MEGF10: variants seen among roughly 807,000 people sequenced by gnomAD.
MEGF10 encodes multiple EGF like domains 10, also known as multiple epidermal growth factor-like domains protein 10.
In MEGF10, 86 loss-of-function variants were observed where a neutral mutation model predicts 147.5. The ratio of observed to expected loss-of-function variants is 0.58; its 90% CI spans 0.49 to 0.70. MEGF10 has a LOEUF of 0.70. Among genes scored for constraint, MEGF10 ranks in the 30% least tolerant of loss-of-function variants. The pLI is 0.00. For missense variants in MEGF10, 1,329 were observed against 1,487.3 expected, an observed-to-expected ratio of 0.89 and a Z score of 1.75; for synonymous variants, 478 against 525.5, an observed-to-expected ratio of 0.91 and a Z score of 1.24.
intron 2 of MEGF10, among the ~76,000 whole-genome samples, chr5:127,337,126 G>A (rs1761501632): frequency 6.6e-6 from 1 of 152,148 alleles, no homozygotes; most frequent in Non-Finnish European, 1.5e-5. Flanking sequence ...CCCAAGTGGG[G>A]AAGTTAAAGT....
chr5:127,433,380 G>T lies in MEGF10; in HGVS notation c.1711G>T (p.Val571Leu). Residue 571 changes from valine (V) to leucine (L), a missense_variant, in exon 14 of 25, where the codon GTG (valine) becomes TTG (leucine). Around this residue, in one of 3 missense-constraint regions of MEGF10, gnomAD observed 980 missense variants for 1,085.9 expected, o/e 0.90. Coordinates refer to ENST00000503335, the MANE Select transcript of MEGF10 (RefSeq NM_001256545.2). ...TATTTCAGGTGTCCACTGTGACAGC[G>T]TGTGTGCTGAGGGACGCTGGGGCCC... is the stretch of plus-strand genomic sequence containing the variant. The part of the protein sequence containing the change: ...PGWSGVHCDS[V>L]CAEGRWGPNC... The T allele has an allele frequency of 6.2e-7, 1 of 1,614,196 alleles. No homozygotes were observed. Among genetic ancestry groups the T allele is most frequent in the Non-Finnish European group, 8.5e-7 (1 of 1,180,020 alleles).
intron 4 of MEGF10, among the ~76,000 whole-genome samples, chr5:127,351,976 T>A (rs1279624957): frequency 6.6e-6 from 1 of 152,190 alleles, no homozygotes; most frequent in Non-Finnish European, 1.5e-5. Flanking sequence ...GCCAACTGTT[T>A]CCTAAGGAAG....
intron 4 of MEGF10, among the ~76,000 whole-genome samples, chr5:127,347,194 T>G (rs1761923580): frequency 1.3e-5 from 2 of 152,070 alleles, no homozygotes; most frequent in South Asian, 4.1e-4. Flanking sequence ...TCCAGAGGAA[T>G]GAAATAGTTG....
At chr5:127,246,048 G>A in the MEGF10 span, among the ~76,000 whole-genome samples, 5 of 152,132 alleles carry the variant, frequency 3.3e-5, no homozygotes, top group South Asian at 2.1e-4. Context: ...ACAATGTGGC[G>A]ATTCCTCAAG....
chr5:127,409,565 A>T (rs1416555377), intron 8 of MEGF10: 2 of 152,196 alleles, frequency 1.3e-5, no homozygotes, highest in Non-Finnish European at 2.9e-5. Context: ...CTCAGCTCCC[A>T]CCTCATTCGT....
At chr5:127,403,774 T>C (rs1383260823) in intron 8 of MEGF10, among the ~76,000 whole-genome samples, 4 of 152,240 alleles carry the variant, frequency 2.6e-5, no homozygotes, top group Non-Finnish European at 5.9e-5. Flanking sequence ...TTACTGGATC[T>C]CATTCTTTTT....
intron 1 of MEGF10, among the ~76,000 whole-genome samples, chr5:127,311,405 G>A (rs1234868882): frequency 6.6e-6 from 1 of 152,166 alleles, no homozygotes; most frequent in Non-Finnish European, 1.5e-5. Flanking sequence ...GTAAGTTTTA[G>A]TCTTTTCTCA....
chr5:127,313,596 A>G (rs923343335), intron 1 of MEGF10, among the ~76,000 whole-genome samples: 10 of 152,216 alleles, frequency 6.6e-5, no homozygotes, highest in African/African-American at 2.4e-4. Context: ...TTCTCGTCTG[A>G]AACAATATTT....
intron 12 of MEGF10, among the ~76,000 whole-genome samples, chr5:127,422,423 A>G: frequency 6.6e-6 from 1 of 152,178 alleles, no homozygotes; most frequent in Non-Finnish European, 1.5e-5. Flanking sequence ...CGGGAGGCTG[A>G]GAATTCCTTC....
chr5:127,414,775 A>C (rs764476743), intron 9 of MEGF10, among the ~76,000 whole-genome samples: 3 of 152,168 alleles, frequency 2.0e-5, no homozygotes, highest in Non-Finnish European at 2.9e-5. Flanking sequence ...AGGTGGCAAA[A>C]CAGATTTAAT....
chr5:127,238,827 G>T, the MEGF10 span, among the ~76,000 whole-genome samples: 5 of 149,434 alleles, frequency 3.3e-5, no homozygotes, highest in Non-Finnish European at 5.9e-5. Flanking sequence ...GTATTAAGAT[G>T]GCTCATGAGG....
At chr5:127,339,811 G>A (rs1351138171) in intron 3 of MEGF10, among the ~76,000 whole-genome samples, 1 of 152,124 alleles carries the variant, frequency 6.6e-6, no homozygotes, top group Non-Finnish European at 1.5e-5. Flanking sequence ...TATGCTCAAT[G>A]TCATTTCTTC....
At chr5:127,408,667 T>C (rs986633875) in intron 8 of MEGF10, among the ~76,000 whole-genome samples, 7 of 152,220 alleles carry the variant, frequency 4.6e-5, no homozygotes, top group Admixed American at 3.9e-4. Context: ...TTGAAGGTTT[T>C]ACCTGTTAAC....
At chr5:127,252,675 G>A in the MEGF10 span, among the ~76,000 whole-genome samples, 1 of 151,792 alleles carries the variant, frequency 6.6e-6, no homozygotes, top group African/African-American at 2.4e-5. Context: ...GGTGGGATAG[G>A]GTGAGAGAGA....
rs781179892 is a variant in MEGF10 at position 127,402,628 on chromosome 5, C to T, written c.863C>T (p.Thr288Met). ...GAATGCCAGTGCCATAATGGAGGGACGTGTGATGCTGCCACAGGCCAATGT... is the reference window on the plus strand; with the variant it reads ...GAATGCCAGTGCCATAATGGAGGGATGTGTGATGCTGCCACAGGCCAATGT... ...SQECQCHNGG[T>M]CDAATGQCHC... Residue 288 changes from threonine to methionine, a missense_variant, in exon 8 of 25, where the codon ACG (threonine) becomes ATG (methionine). Thr to Met is a moderately conservative substitution (Grantham distance 81). Coordinates refer to ENST00000503335, the MANE Select transcript of MEGF10 (RefSeq NM_001256545.2). 38 of 1,613,964 alleles carry T rather than the reference C, an allele frequency of 2.4e-5. No individual in the cohort carries two copies. The highest frequency in any genetic ancestry group is 3.3e-5 in the South Asian group (3 of 91,082).
At chr5:127,437,854 T>A (rs1765615318) in intron 16 of MEGF10, among the ~76,000 whole-genome samples, 1 of 152,204 alleles carries the variant, frequency 6.6e-6, no homozygotes, top group Non-Finnish European at 1.5e-5. Flanking sequence ...CTACATGGCC[T>A]TGGGTCCTTT....
intron 4 of MEGF10, among the ~76,000 whole-genome samples, chr5:127,347,885 T>G (rs1467209127): frequency 6.6e-6 from 1 of 152,074 alleles, no homozygotes; most frequent in Non-Finnish European, 1.5e-5. Flanking sequence ...ATCTGTAAGA[T>G]GGGTTCTCAT....
the MEGF10 span, among the ~76,000 whole-genome samples, chr5:127,266,295 C>T: frequency 6.6e-5 from 10 of 151,780 alleles, no homozygotes; most frequent in Non-Finnish European, 1.2e-4. Context: ...TGTTTTGGTA[C>T]CAGTACCATG....
the MEGF10 span, among the ~76,000 whole-genome samples, chr5:127,261,069 T>G: frequency 1.3e-5 from 2 of 152,202 alleles, no homozygotes; most frequent in Non-Finnish European, 2.9e-5. Context: ...TCCTTTTCAT[T>G]TTTTAATAAA....
Sources: gnomAD v4.1 joint callset for allele counts (sites outside exome capture counted in the v4.1 genomes callset) on GRCh38, gnomAD v4.1.1 for gene constraint, gnomAD v4.1.1 regional missense constraint, MANE v1.5 for transcripts, NCBI Gene and HGNC (gene_info 2026-07-23, HGNC 2026-07-21) for gene names.